ASXL2: variants seen among roughly 807,000 people sequenced by gnomAD.
The protein encoded by ASXL2 is ASXL transcriptional regulator 2.
Under a neutral mutation model 122.0 loss-of-function variants are expected in ASXL2, and 23 were observed. The ratio of observed to expected loss-of-function variants is 0.19; its 90% confidence interval spans 0.14 to 0.27. The LOEUF (loss-of-function observed/expected upper bound fraction) is 0.27, where lower values mean the gene tolerates loss of function less well. Among genes scored for constraint, ASXL2 ranks in the 10% least tolerant of loss-of-function variants. The probability of loss-of-function intolerance (pLI) is 1.00; values close to 1 mark genes in which losing one functional copy is unlikely to be tolerated. For missense variants in ASXL2, 1,518 were observed against 1,713.8 expected, an observed-to-expected ratio of 0.89 and a Z score of 2.02; for synonymous variants, 650 against 637.0, an observed-to-expected ratio of 1.02 and a Z score of -0.31.
intron 3 of ASXL2, among the ~76,000 whole-genome samples, chr2:25,829,853 G>A (rs1289955269): frequency 6.6e-6 from 1 of 152,128 alleles, no homozygotes; most frequent in Non-Finnish European, 1.5e-5. Flanking sequence ...TGTCCTTGTG[G>A]GCCTGAGACT....
At chr2:25,783,952 G>A (rs2088692395) in intron 5 of ASXL2, among the ~76,000 whole-genome samples, 1 of 152,076 alleles carries the variant, frequency 6.6e-6, no homozygotes, top group South Asian at 2.1e-4. Context: ...TACTTGGGAG[G>A]CTGAGGCAGG....
At chr2:25,860,607 A>G (rs1307536561) in intron 1 of ASXL2, among the ~76,000 whole-genome samples, 1 of 151,944 alleles carries the variant, frequency 6.6e-6, no homozygotes, top group African/African-American at 2.4e-5. Context: ...GCTACTCAGG[A>G]GGCTGAGGCA....
At chr2:25,788,563 G>A (rs2088783496) in intron 5 of ASXL2, among the ~76,000 whole-genome samples, 1 of 152,142 alleles carries the variant, frequency 6.6e-6, no homozygotes, top group Non-Finnish European at 1.5e-5. Flanking sequence ...CTTACCACCA[G>A]TGTATAAGAA....
At chr2:25,825,060 G>A (rs1230829171) in intron 3 of ASXL2, among the ~76,000 whole-genome samples, 2 of 152,156 alleles carry the variant, frequency 1.3e-5, no homozygotes, top group African/African-American at 4.8e-5. Flanking sequence ...ATTGCATTGT[G>A]AGCAGAAGTT....
chr2:25,845,921 T>C (rs527378588), intron 1 of ASXL2, among the ~76,000 whole-genome samples: 3 of 152,330 alleles, frequency 2.0e-5, no homozygotes, highest in African/African-American at 4.8e-5. Flanking sequence ...ATTCTGTCTC[T>C]CCCACTGAAT....
Position 25,736,272 on chromosome 2 carries a change from C to T in ASXL2, c.*5757G>A, listed in dbSNP as rs576971632. 1 of 152,284 alleles carries T rather than the reference C, an allele frequency of 6.6e-6. No individual in the cohort carries two copies. Among genetic ancestry groups the T allele is most frequent in the Admixed American group, 6.5e-5 (1 of 15,290 alleles). The allele number at this position is 152,284 out of a possible 1,614,324, so 9.4% of individuals were successfully genotyped here. On this transcript the variant is annotated 3_prime_UTR_variant, in exon 13 of 13. Coordinates refer to ENST00000435504, the MANE Select transcript of ASXL2 (RefSeq NM_018263.6). ...GGTATGTTGCCTTCTCCCTCAGCTG[C>T]AGACCAACTCTACTTGCAGGCACCC...
At chr2:25,808,932 G>A (rs1239658278) in intron 3 of ASXL2, among the ~76,000 whole-genome samples, 3 of 152,154 alleles carry the variant, frequency 2.0e-5, no homozygotes, top group Non-Finnish European at 2.9e-5. Flanking sequence ...CCCACACACT[G>A]TATAGGCTGT....
chr2:25,741,954 C>T lies in ASXL2; in HGVS notation c.*75G>A. The T allele has an allele frequency of 2.1e-6, 3 of 1,420,506 alleles. No homozygotes were observed. The highest frequency in any genetic ancestry group is 2.7e-5 in the South Asian group (2 of 73,370). The allele number at this position is 1,420,506 out of a possible 1,614,324, so 88.0% of individuals were successfully genotyped here. On this transcript the variant is annotated 3_prime_UTR_variant, in exon 13 of 13. Transcript: ENST00000435504. ...ACCTACTTGTTTATTTCTGTGATTC[C>T]AAAAGGACGCAAAAAACCCAACTGG... is the stretch of plus-strand genomic sequence containing the variant.
intron 6 of ASXL2, among the ~76,000 whole-genome samples, chr2:25,769,509 C>T (rs1243933004): frequency 2.0e-5 from 3 of 152,028 alleles, no homozygotes; most frequent in Non-Finnish European, 4.4e-5. Flanking sequence ...AGTGTGGTTC[C>T]TTCTGTCTAC....
chr2:25,808,333 A>C (rs2149175393), intron 3 of ASXL2, among the ~76,000 whole-genome samples: 1 of 152,262 alleles, frequency 6.6e-6, no homozygotes, highest in Middle Eastern at 3.4e-3. Flanking sequence ...GTCAGGAAGC[A>C]AATTTGTTTT....
chr2:25,821,914 G>C (rs2089315621), intron 3 of ASXL2, among the ~76,000 whole-genome samples: 1 of 152,124 alleles, frequency 6.6e-6, no homozygotes, highest in Non-Finnish European at 1.5e-5. Flanking sequence ...GGCACAAACT[G>C]ATCTACCATG....
chr2:25,784,149 G>A (rs936122202), intron 5 of ASXL2, among the ~76,000 whole-genome samples: 1 of 152,020 alleles, frequency 6.6e-6, no homozygotes, highest in Non-Finnish European at 1.5e-5. Flanking sequence ...TACTTGGGGG[G>A]CTGAGGCAGG....
intron 4 of ASXL2, among the ~76,000 whole-genome samples, chr2:25,802,456 C>T (rs1219411592): frequency 6.6e-6 from 1 of 152,118 alleles, no homozygotes; most frequent in Non-Finnish European, 1.5e-5. Flanking sequence ...TTATAATTTC[C>T]TAAGCAATAG....
At chr2:25,764,446 T>C (rs1488976804) in intron 8 of ASXL2, among the ~76,000 whole-genome samples, 1 of 152,014 alleles carries the variant, frequency 6.6e-6, no homozygotes, top group Non-Finnish European at 1.5e-5. Context: ...GATAAATAAA[T>C]AAAAATCACC....
At chr2:25,837,805 A>G (rs1466187718) in intron 2 of ASXL2, among the ~76,000 whole-genome samples, 1 of 151,802 alleles carries the variant, frequency 6.6e-6, no homozygotes, top group Non-Finnish European at 1.5e-5. Flanking sequence ...AGCCGTGATT[A>G]AAAAACAAAA....
In ASXL2 at chr2:25,750,206, T is replaced by A. The variant is rs1302548822; in HGVS notation, c.1350A>T (p.Gln450His). The A allele has an allele frequency of 3.1e-6, 5 of 1,613,900 alleles. No homozygotes were observed. Among genetic ancestry groups the A allele is most frequent in the Non-Finnish European group, 4.2e-6 (5 of 1,179,902 alleles). Residue 450 changes from glutamine to histidine, a missense_variant, in exon 12 of 13, where the codon CAA (glutamine) becomes CAT (histidine). Gln to His is a conservative substitution (Grantham distance 24). This residue lies in a region of ASXL2 where 292 missense variants were observed against 293.5 expected (regional missense o/e 1.00). Transcript: ENST00000435504. ...SPGRKEECES[Q>H]GEVQPNFSTS... Reference sequence around the variant, plus strand: ...TGGAGAAGTTCGGCTGCACTTCACCTTGGCTTTCACACTCTTCTTTTCTGC... The same window carrying A: ...TGGAGAAGTTCGGCTGCACTTCACCATGGCTTTCACACTCTTCTTTTCTGC...
intron 8 of ASXL2, 96 bp downstream of exon 8, chr2:25,767,487 A>C (rs2088371793): frequency 1.5e-6 from 2 of 1,312,564 alleles, no homozygotes; most frequent in African/African-American, 3.0e-5. Flanking sequence ...ACTCAAATCT[A>C]AGTTATAAGT....
In ASXL2 at chr2:25,742,214, G is replaced by C. The variant is rs1422102911; in HGVS notation, c.4123C>G (p.Pro1375Ala). The stretch of plus-strand genomic sequence containing the variant: ...GGAATGGTCTGGCCATGGCTGCTGG[G>C]ATTCATAGCTTGGCTAGCAGGGATG... The part of the protein sequence containing the change: ...TTIPASQAMN[P>A]SSHGQTIPVQ... Residue 1375 changes from proline (P) to alanine (A), a missense_variant, in exon 13 of 13, where the codon CCC becomes GCC. Physicochemically the swap from Pro to Ala is conservative, Grantham distance 27 (BLOSUM62 -1). Transcript: ENST00000435504. The C allele has an allele frequency of 6.2e-7, 1 of 1,614,014 alleles. No individual in the cohort carries two copies. The highest frequency in any genetic ancestry group is 1.1e-5 in the South Asian group (1 of 91,080).
intron 8 of ASXL2, among the ~76,000 whole-genome samples, chr2:25,764,502 G>A (rs1432970960): frequency 6.6e-6 from 1 of 152,158 alleles, no homozygotes; most frequent in Non-Finnish European, 1.5e-5. Flanking sequence ...AATTTGTGTT[G>A]AGCAGCATTC....
Sources: allele counts gnomAD v4.1 joint callset (sites outside exome capture counted in the v4.1 genomes callset), GRCh38; gene constraint gnomAD v4.1.1; regional missense constraint gnomAD v4.1.1; transcripts MANE v1.5; gene names NCBI Gene and HGNC (gene_info 2026-07-23, HGNC 2026-07-21).